The following COBLL1 variants were observed in gnomAD, a reference collection of about 807,000 sequenced individuals.
COBLL1 encodes the protein cordon-bleu protein-like 1.
A neutral mutation model predicts 94.8 loss-of-function variants in COBLL1; 50 were observed. That is an observed-to-expected ratio of 0.53 (90% CI 0.42 to 0.67). COBLL1 has a LOEUF of 0.67. COBLL1 is among the 30% of genes least tolerant of loss of function. COBLL1 has a pLI of 0.00. For synonymous variants in COBLL1, 448 were observed against 473.8 expected (o/e 0.95, Z 0.71); for missense variants, 1,362 against 1,348.7 (o/e 1.01, Z -0.15).
chr2:164,775,776 C>A (rs1335916352), intron 2 of COBLL1, among the ~76,000 whole-genome samples: 3 of 152,008 alleles, frequency 2.0e-5, no homozygotes, highest in African/African-American at 7.2e-5. Context: ...CTTTAGTGCC[C>A]AAACACTCCC....
At chr2:164,712,972 G>A (rs1307308891) in intron 7 of COBLL1, among the ~76,000 whole-genome samples, 1 of 151,934 alleles carries the variant, frequency 6.6e-6, no homozygotes, top group Non-Finnish European at 1.5e-5. Context: ...TGCAAATTTT[G>A]GCTTGTATTG....
Position 164,686,050 on chromosome 2 carries a change from A to G in COBLL1, c.3301-18T>C, listed in dbSNP as rs1683268475. 1 of 1,434,628 alleles carries G rather than the reference A, an allele frequency of 7.0e-7. No homozygotes were observed. Among genetic ancestry groups the G allele is most frequent in the East Asian group, 2.4e-5 (1 of 41,880 alleles). 88.9% of individuals were successfully genotyped at this position (1,434,628 alleles called of 1,614,324 possible). ...ATGGTAACCTAAGAGAAAGAAACACACTTTGCACCCATCAATTTAAAATGG... is the reference window on the plus strand; with the variant it reads ...ATGGTAACCTAAGAGAAAGAAACACGCTTTGCACCCATCAATTTAAAATGG... On this transcript the variant is annotated intron_variant, in intron 13 of 13. Coordinates refer to ENST00000652658, the MANE Select transcript of COBLL1 (RefSeq NM_001365672.2).
chr2:164,687,342 C>CCA (rs1184793785), intron 13 of COBLL1: 2 of 685,170 alleles, frequency 2.9e-6, no homozygotes, highest in African/African-American at 3.5e-5. Flanking sequence ...GTACTTGACC[C>CCA]CACAGCCATA....
chr2:164,812,059 G>T (rs187670421), intron 2 of COBLL1, among the ~76,000 whole-genome samples: 34 of 151,186 alleles, frequency 2.2e-4, no homozygotes, highest in African/African-American at 7.5e-4. Flanking sequence ...TCAAACTAAG[G>T]CTCTGAAAAA....
chr2:164,800,408 T>A (rs1372456226), intron 2 of COBLL1: 1 of 566,584 alleles, frequency 1.8e-6, no homozygotes, highest in African/African-American at 1.9e-5. Context: ...CTAACATAAA[T>A]ACCAACGATA....
chr2:164,754,441 G>A (rs2105595883), intron 2 of COBLL1, among the ~76,000 whole-genome samples: 1 of 152,270 alleles, frequency 6.6e-6, no homozygotes, highest in Admixed American at 6.5e-5. Flanking sequence ...CCTGCTCTGA[G>A]AGAATCCAGC....
intron 7 of COBLL1, among the ~76,000 whole-genome samples, chr2:164,706,678 C>T (rs978453385): frequency 1.3e-5 from 2 of 152,138 alleles, no homozygotes; most frequent in African/African-American, 4.8e-5. Flanking sequence ...TCACATCTCA[C>T]ACTGAGTCAA....
At chr2:164,713,035 T>C (rs1352661889) in intron 7 of COBLL1, among the ~76,000 whole-genome samples, 1 of 152,142 alleles carries the variant, frequency 6.6e-6, no homozygotes, top group East Asian at 1.9e-4. Flanking sequence ...TTTGTAAAAA[T>C]AAAATGTTAT....
chr2:164,817,205 C>G (rs1016000811), intron 2 of COBLL1, among the ~76,000 whole-genome samples: 2 of 151,946 alleles, frequency 1.3e-5, no homozygotes, highest in African/African-American at 4.8e-5. Context: ...CTGGATTAAC[C>G]AAACAACTTT....
At chr2:164,829,691 T>C (rs1416816021) in intron 2 of COBLL1, among the ~76,000 whole-genome samples, 1 of 152,190 alleles carries the variant, frequency 6.6e-6, no homozygotes. Context: ...AAATTGTATA[T>C]GAACAGGGGG....
At chr2:164,803,190 A>G (rs1158955220) in intron 2 of COBLL1, among the ~76,000 whole-genome samples, 1 of 152,206 alleles carries the variant, frequency 6.6e-6, no homozygotes, top group African/African-American at 2.4e-5. Flanking sequence ...GTCAGTTTAA[A>G]TTTTTGTATA....
At chr2:164,710,146 CAAATA>C (rs1684810119) in intron 7 of COBLL1, among the ~76,000 whole-genome samples, 1 of 151,898 alleles carries the variant, frequency 6.6e-6, no homozygotes, top group African/African-American at 2.4e-5. Context: ...TAATAAAAAT[CAAATA>C]AAAATCAAAT....
chr2:164,712,024 G>C (rs1396360785), intron 7 of COBLL1, among the ~76,000 whole-genome samples: 3 of 152,116 alleles, frequency 2.0e-5, no homozygotes, highest in Non-Finnish European at 4.4e-5. Flanking sequence ...GGCAAGGTCA[G>C]GTTGAAAACC....
intron 2 of COBLL1, among the ~76,000 whole-genome samples, chr2:164,660,885 G>A (rs1464053759): frequency 6.6e-6 from 1 of 152,098 alleles, no homozygotes; most frequent in Non-Finnish European, 1.5e-5. Context: ...ATCAAATAGT[G>A]ATTTAAACCC....
chr2:164,814,816 AT>A (rs1184317835), intron 2 of COBLL1, among the ~76,000 whole-genome samples: 2 of 152,224 alleles, frequency 1.3e-5, no homozygotes, highest in East Asian at 3.8e-4. Context: ...AAATGTATAA[AT>A]TCTTACTATC....
At position 164,730,333 on chromosome 2, in the gene COBLL1, T is replaced by A. The variant is rs372800956; in HGVS notation, c.231-218A>T. On this transcript the variant is annotated intron_variant, in intron 3 of 13. Transcript: ENST00000652658. Reference sequence around the variant, plus strand: ...GGCAAGACCCTGTATCTACAAAAAATAAAAAAAAAAAACAATAGCCTGCTG... The same window carrying A: ...GGCAAGACCCTGTATCTACAAAAAAAAAAAAAAAAAAACAATAGCCTGCTG... 1.8e-4 allele frequency among the ~76,000 whole-genome samples: 26 copies of A among 143,698 alleles called. No individual in the cohort carries two copies. The highest frequency in any genetic ancestry group is 2.2e-4 in the South Asian group (1 of 4,474). The allele number at this position is 143,698 out of a possible 152,430, so 94.3% of individuals were successfully genotyped here. A position where few individuals can be genotyped will look rare whatever the true frequency, so the allele number is the denominator to read the frequency against.
At chr2:164,717,792 G>A (rs1023629172) in intron 7 of COBLL1, among the ~76,000 whole-genome samples, 32 of 152,000 alleles carry the variant, frequency 2.1e-4, no homozygotes, top group African/African-American at 7.3e-4. Flanking sequence ...TTGAACTCCC[G>A]GCTTTTAAGT....
At position 164,811,523 on chromosome 2, in the gene COBLL1, T is replaced by C. The variant is rs139956111; in HGVS notation, c.41+29633A>G. ...ATACCATGTAACTAAAGATTGACTC[T>C]AGTTAAAGAGCTAGAATTCCATTAT... On this transcript the variant is annotated intron_variant, in intron 2 of 13. Transcript: ENST00000652658. 3.9e-4 allele frequency among the ~76,000 whole-genome samples: 60 copies of C among 152,058 alleles called. 1 individual carries two copies. The highest frequency in any genetic ancestry group is 1.4e-3 in the African/African-American group (57 of 41,576).
At chr2:164,817,113 T>C (rs1225184731) in intron 2 of COBLL1, among the ~76,000 whole-genome samples, 1 of 152,070 alleles carries the variant, frequency 6.6e-6, no homozygotes, top group Non-Finnish European at 1.5e-5. Context: ...ATCTGGAACA[T>C]GAATGATGAG....
Sources: allele counts gnomAD v4.1 joint callset (sites outside exome capture counted in the v4.1 genomes callset), GRCh38; gene constraint gnomAD v4.1.1; transcripts MANE v1.5; gene names NCBI Gene and HGNC (gene_info 2026-07-23, HGNC 2026-07-21).